THEMIS: variants seen among roughly 807,000 people sequenced by gnomAD.
THEMIS encodes protein THEMIS.
A neutral mutation model predicts 52.6 loss-of-function variants in THEMIS; 37 were observed. The ratio of observed to expected loss-of-function variants is 0.70; its 90% CI spans 0.54 to 0.93. The LOEUF is 0.93. THEMIS is among the 40% of genes least tolerant of loss of function. THEMIS has a pLI of 0.00. For missense variants in THEMIS, 808 were observed against 763.1 expected (o/e 1.06, Z -0.69); for synonymous variants, 292 against 272.7 (o/e 1.07, Z -0.70).
At chr6:127,889,090 T>A (rs1057144868) in intron 1 of THEMIS, among the ~76,000 whole-genome samples, 2 of 152,108 alleles carry the variant, frequency 1.3e-5, no homozygotes, top group African/African-American at 4.8e-5. Context: ...GAGGACATGT[T>A]CTCTGCTAAT....
At chr6:127,844,277 A>T (rs1410321531) in intron 2 of THEMIS, among the ~76,000 whole-genome samples, 1 of 151,996 alleles carries the variant, frequency 6.6e-6, no homozygotes, top group Non-Finnish European at 1.5e-5. Flanking sequence ...AAAAGTGTTT[A>T]GAAAAGTTTT....
At chr6:127,696,870 G>T in the THEMIS span, among the ~76,000 whole-genome samples, 4 of 151,990 alleles carry the variant, frequency 2.6e-5, no homozygotes, top group East Asian at 7.7e-4. Flanking sequence ...TACTGGATTG[G>T]GCCCATCTTA....
intron 5 of THEMIS, among the ~76,000 whole-genome samples, chr6:127,718,855 C>T (rs1175340419): frequency 6.6e-6 from 1 of 151,552 alleles, no homozygotes; most frequent in African/African-American, 2.4e-5. Flanking sequence ...AAGCTAACTA[C>T]ATGAAAGAAC....
intron 1 of THEMIS, among the ~76,000 whole-genome samples, chr6:127,880,593 T>G (rs1780454247): frequency 1.4e-5 from 2 of 140,050 alleles, no homozygotes; most frequent in South Asian, 4.7e-4. Context: ...AAAAAAGCAC[T>G]TTGGTCTGTG....
downstream of THEMIS, among the ~76,000 whole-genome samples, chr6:127,703,175 G>A (rs984790452): frequency 4.0e-5 from 6 of 148,776 alleles, no homozygotes; most frequent in Non-Finnish European, 9.0e-5. Flanking sequence ...AGCCTCTCGA[G>A]TAGCTGGGAC....
At chr6:127,813,953 CTA>C (rs1562275661) in intron 3 of THEMIS, 22 bp from the exon 4 acceptor site, 13 of 1,507,666 alleles carry the variant, frequency 8.6e-6, no homozygotes, top group Non-Finnish European at 1.1e-5. Context: ...AAATAAATCA[CTA>C]TGATATTTTT....
At chr6:127,714,566 C>T (rs1774093382) in intron 5 of THEMIS, among the ~76,000 whole-genome samples, 1 of 151,844 alleles carries the variant, frequency 6.6e-6, no homozygotes, top group African/African-American at 2.4e-5. Context: ...GTATTTTTAA[C>T]ATACACATTA....
At chr6:127,828,544 C>T (rs1332333537) in intron 3 of THEMIS, among the ~76,000 whole-genome samples, 1 of 152,146 alleles carries the variant, frequency 6.6e-6, no homozygotes, top group Admixed American at 6.5e-5. Context: ...CTTTACTATC[C>T]ATCCTACTCA....
At chr6:127,778,807 A>C (rs1358989013) in intron 4 of THEMIS, among the ~76,000 whole-genome samples, 5 of 149,814 alleles carry the variant, frequency 3.3e-5, no homozygotes, top group Admixed American at 1.3e-4. Flanking sequence ...ATTAAAGTCT[A>C]GTCCTAAAAG....
chr6:127,819,529 C>T (rs868591712), intron 3 of THEMIS, among the ~76,000 whole-genome samples: 3 of 152,058 alleles, frequency 2.0e-5, no homozygotes, highest in Admixed American at 1.3e-4. Context: ...AAAGCAAAAA[C>T]TTGAACCAGA....
At chr6:127,881,978 G>T in intron 1 of THEMIS, among the ~76,000 whole-genome samples, 1 of 142,370 alleles carries the variant, frequency 7.0e-6, no homozygotes. Context: ...TATAGTAGCT[G>T]AAGTGTCATC....
chr6:127,817,893 C>T (rs954454243), intron 3 of THEMIS, among the ~76,000 whole-genome samples: 2 of 152,194 alleles, frequency 1.3e-5, no homozygotes, highest in African/African-American at 2.4e-5. Flanking sequence ...TCCAGGTTCT[C>T]AGGGTGAAGA....
intron 1 of THEMIS, among the ~76,000 whole-genome samples, chr6:127,894,213 T>C (rs946892384): frequency 1.3e-5 from 2 of 152,010 alleles, no homozygotes; most frequent in South Asian, 2.1e-4. Flanking sequence ...AAGAGAGGTG[T>C]TATAACAAAA....
intron 4 of THEMIS, among the ~76,000 whole-genome samples, chr6:127,795,533 T>A (rs1777300418): frequency 6.6e-6 from 1 of 152,148 alleles, no homozygotes; most frequent in Non-Finnish European, 1.5e-5. Context: ...TTTCACCTTG[T>A]TAGCCAGGAC....
At chr6:127,703,035 G>GTTTTTTTTTTTTTTTTTTTTTTTT in the THEMIS span, among the ~76,000 whole-genome samples, 11 of 82,384 alleles carry the variant, frequency 1.3e-4, no homozygotes, top group Non-Finnish European at 2.1e-4. Flanking sequence ...TTTAGAATGA[G>GTTTTTTTTTTTTTTTTTTTTTTTT]TTTTTTTTTT....
At chr6:127,840,800 C>T (rs1779020741) in intron 2 of THEMIS, among the ~76,000 whole-genome samples, 1 of 151,940 alleles carries the variant, frequency 6.6e-6, no homozygotes, top group African/African-American at 2.4e-5. Context: ...CATGAAAAGC[C>T]ATGTAAGAAC....
chr6:127,880,330 T>C (rs1780442938), intron 1 of THEMIS, among the ~76,000 whole-genome samples: 1 of 152,112 alleles, frequency 6.6e-6, no homozygotes, highest in South Asian at 2.1e-4. Context: ...ATTTCAAAAT[T>C]CCATAAACTC....
chr6:127,860,570 T>C (rs892948102), intron 1 of THEMIS, among the ~76,000 whole-genome samples: 1 of 152,112 alleles, frequency 6.6e-6, no homozygotes. Context: ...GACTGAAATA[T>C]GCAAAAGACT....
intron 4 of THEMIS, among the ~76,000 whole-genome samples, chr6:127,808,483 A>G (rs74603295): frequency 6.6e-6 from 1 of 152,182 alleles, no homozygotes; most frequent in Non-Finnish European, 1.5e-5. Flanking sequence ...CATCAGATTA[A>G]AATTCAGATG....
Sources: gnomAD v4.1 joint callset for allele counts (sites outside exome capture counted in the v4.1 genomes callset) on GRCh38, gnomAD v4.1.1 for gene constraint, MANE v1.5 for transcripts, NCBI Gene and HGNC (gene_info 2026-07-23, HGNC 2026-07-21) for gene names.